TDRD7: variants seen among roughly 807,000 people sequenced by gnomAD.
TDRD7 encodes the protein tudor domain-containing protein 7.
Under a neutral mutation model 109.8 loss-of-function variants are expected in TDRD7, and 47 were observed. The ratio of observed to expected loss-of-function variants is 0.43; its 90% CI spans 0.34 to 0.55. The LOEUF (loss-of-function observed/expected upper bound fraction) is 0.55, where lower values mean the gene tolerates loss of function less well. TDRD7 is among the 20% of genes least tolerant of loss of function. The pLI, the probability that TDRD7 is intolerant of heterozygous loss-of-function variation, is 0.03. For synonymous variants in TDRD7, 424 were observed against 457.3 expected (o/e 0.93, Z 0.93); for missense variants, 1,164 against 1,319.2 (o/e 0.88, Z 1.82).
chr9:97,430,510 A>G (rs150689328), intron 2 of TDRD7, among the ~76,000 whole-genome samples: 4 of 152,318 alleles, frequency 2.6e-5, no homozygotes, highest in East Asian at 1.9e-4. Flanking sequence ...TTTGGACTCA[A>G]AGAGCCTCGC....
At chr9:97,450,302 G>C (rs905556470) in intron 6 of TDRD7, among the ~76,000 whole-genome samples, 2 of 152,156 alleles carry the variant, frequency 1.3e-5, no homozygotes, top group African/African-American at 4.8e-5. Flanking sequence ...AAACATGAAG[G>C]ACAAGGATAG....
chr9:97,483,369 G>C lies in TDRD7; in HGVS notation c.2915+18G>C. 1.9e-6 allele frequency: 3 copies of C among 1,611,954 alleles called. No homozygotes were observed. The highest frequency in any genetic ancestry group is 2.5e-6 in the Non-Finnish European group (3 of 1,179,934). On this transcript the variant is annotated intron_variant, in intron 15 of 16. Transcript: ENST00000355295. ...GAAAATAAGTAGGTCCTTGGACAAA[G>C]CATTTTATTCTACTCCTAAGAAAAA...
chr9:97,484,706 T>G (rs1370681282), intron 15 of TDRD7, among the ~76,000 whole-genome samples: 1 of 152,226 alleles, frequency 6.6e-6, no homozygotes, highest in East Asian at 1.9e-4. Context: ...AAACCATTTC[T>G]ACTGTTGTGT....
intron 16 of TDRD7, among the ~76,000 whole-genome samples, chr9:97,487,740 A>AT (rs1829236413): frequency 6.6e-6 from 1 of 152,004 alleles, no homozygotes; most frequent in African/African-American, 2.4e-5. Context: ...ATTGATGAAC[A>AT]TTTTTATTGT....
chr9:97,453,878 A>C (rs1828553630), intron 6 of TDRD7, among the ~76,000 whole-genome samples: 1 of 152,208 alleles, frequency 6.6e-6, no homozygotes, highest in Admixed American at 6.5e-5. Flanking sequence ...CACCCAATAC[A>C]AGAGCGCGCA....
intron 8 of TDRD7, among the ~76,000 whole-genome samples, chr9:97,468,740 G>C (rs1268721619): frequency 6.6e-6 from 1 of 152,218 alleles, no homozygotes; most frequent in Non-Finnish European, 1.5e-5. Flanking sequence ...TCCCAGGGGA[G>C]TCTGCTGGGT....
At chr9:97,490,874 T>TTCTGACC (rs1829296150) in intron 16 of TDRD7, among the ~76,000 whole-genome samples, 1 of 151,614 alleles carries the variant, frequency 6.6e-6, no homozygotes, top group South Asian at 2.1e-4. Flanking sequence ...TTTATAGTGT[T>TTCTGACC]TCTGACCTCT....
chr9:97,467,123 C>T (rs571977728), intron 8 of TDRD7, among the ~76,000 whole-genome samples: 128 of 152,226 alleles, frequency 8.4e-4, no homozygotes, highest in African/African-American at 2.9e-3. Flanking sequence ...TATCCCTAAA[C>T]GTTCCTAGAT....
At chr9:97,443,690 T>C (rs1384878771) in intron 6 of TDRD7, among the ~76,000 whole-genome samples, 2 of 152,238 alleles carry the variant, frequency 1.3e-5, no homozygotes, top group Non-Finnish European at 2.9e-5. Flanking sequence ...CTTTATGGTT[T>C]AAATCCATAG....
At chr9:97,462,679 C>T (rs1023249221) in intron 7 of TDRD7, among the ~76,000 whole-genome samples, 1 of 152,204 alleles carries the variant, frequency 6.6e-6, no homozygotes. Context: ...ATCCATCATT[C>T]TTTGCCCCCC....
chr9:97,476,916 G>A lies in TDRD7; in HGVS notation c.2166+1447G>A, dbSNP rs886907759. Reference sequence around the variant, plus strand: ...CTTGGTCATGTCTACTTGAATGAGAGTAGCAGTTTTGAAGTAATTATTGCT... The same window carrying A: ...CTTGGTCATGTCTACTTGAATGAGAATAGCAGTTTTGAAGTAATTATTGCT... On this transcript the variant is annotated intron_variant, in intron 12 of 16. Transcript: ENST00000355295. 3.9e-5 allele frequency among the ~76,000 whole-genome samples: 6 copies of A among 152,258 alleles called. No homozygotes were observed. In the East Asian group the frequency reaches 1.2e-3, roughly 29 times the overall value.
intron 12 of TDRD7, among the ~76,000 whole-genome samples, chr9:97,476,692 C>T (rs1829028153): frequency 6.6e-6 from 1 of 151,450 alleles, no homozygotes; most frequent in Non-Finnish European, 1.5e-5. Context: ...AGGGGGGTCC[C>T]TCAACCCTCC....
rs1187256164 is a variant in TDRD7 at position 97,482,768 on chromosome 9, A to G, written c.2413-81A>G. ...GGGTTTTGGCAAAATACTGTGTTTT[A>G]ATGATTAAGGTTACTATAACTGCCT... On this transcript the variant is annotated intron_variant, in intron 14 of 16. Transcript: ENST00000355295. The G allele has an allele frequency of 1.2e-5, 17 of 1,458,806 alleles. No individual in the cohort carries two copies. In the Admixed American group the frequency reaches 3.0e-4, roughly 25 times the overall value. 90.4% of individuals were successfully genotyped at this position (1,458,806 alleles called of 1,614,324 possible). A position where few individuals can be genotyped will look rare whatever the true frequency, so the allele number is the denominator to read the frequency against.
At position 97,480,948 on chromosome 9, in the gene TDRD7, C is replaced by T. The variant is rs773993544; in HGVS notation, c.2412+10C>T. The T allele has an allele frequency of 1.2e-6, 2 of 1,608,004 alleles. No individual in the cohort carries two copies. Among genetic ancestry groups the T allele is most frequent in the East Asian group, 4.5e-5 (2 of 44,832 alleles). On this transcript the variant is annotated intron_variant, in intron 14 of 16. Coordinates refer to ENST00000355295, the MANE Select transcript of TDRD7 (RefSeq NM_014290.3). ...GGACTGTAGCATTAAGGTTAGCTATCTTGTTGGGCCTGATACATTTAGAAA... is the reference window on the plus strand; with the variant it reads ...GGACTGTAGCATTAAGGTTAGCTATTTTGTTGGGCCTGATACATTTAGAAA...
intron 16 of TDRD7, among the ~76,000 whole-genome samples, chr9:97,490,553 G>GC (rs1034681089): frequency 5.5e-5 from 8 of 144,946 alleles, no homozygotes; most frequent in Non-Finnish European, 1.2e-4. Context: ...TTTTGGTGGG[G>GC]GGGGGGGCAT....
chr9:97,462,586 AC>A (rs1397044569), intron 7 of TDRD7, among the ~76,000 whole-genome samples: 1 of 152,172 alleles, frequency 6.6e-6, no homozygotes, highest in Non-Finnish European at 1.5e-5. Flanking sequence ...CTATGGCAGA[AC>A]CCTCATCTCA....
chr9:97,475,108 GA>G (rs1828995462), intron 11 of TDRD7, among the ~76,000 whole-genome samples: 1 of 152,164 alleles, frequency 6.6e-6, no homozygotes, highest in Non-Finnish European at 1.5e-5. Flanking sequence ...GTGCCTAAGT[GA>G]ATCATAATGA....
intron 7 of TDRD7, among the ~76,000 whole-genome samples, chr9:97,463,947 AATAAGTT>A (rs540410755): frequency 1.8e-4 from 28 of 152,324 alleles, no homozygotes; most frequent in African/African-American, 6.3e-4. Flanking sequence ...CAAATTCTTT[AATAAGTT>A]TGGAGGGGGG....
At chr9:97,457,012 A>G (rs1178820534) in intron 6 of TDRD7, among the ~76,000 whole-genome samples, 1 of 152,242 alleles carries the variant, frequency 6.6e-6, no homozygotes, top group Non-Finnish European at 1.5e-5. Flanking sequence ...GGCAAAGGGT[A>G]TGAACAGACA....
Sources: allele counts gnomAD v4.1 joint callset (sites outside exome capture counted in the v4.1 genomes callset), GRCh38; gene constraint gnomAD v4.1.1; transcripts MANE v1.5; gene names NCBI Gene and HGNC (gene_info 2026-07-23, HGNC 2026-07-21).